ITGA2: variants seen among roughly 807,000 people sequenced by gnomAD.
ITGA2 encodes integrin subunit alpha 2.
A neutral mutation model predicts 146.3 loss-of-function variants in ITGA2; 101 were observed. The ratio of observed to expected loss-of-function variants is 0.69; its 90% CI spans 0.59 to 0.81. ITGA2 has a LOEUF of 0.81. Ranked by LOEUF, ITGA2 falls within the 40% of genes least tolerant of loss-of-function variation. The pLI, the probability that ITGA2 is intolerant of heterozygous loss-of-function variation, is 0.00. For synonymous variants in ITGA2, 477 were observed against 487.1 expected (o/e 0.98, Z 0.27); for missense variants, 1,281 against 1,402.7 (o/e 0.91, Z 1.39).
chr5:53,004,252 T>C (rs1444371673), intron 1 of ITGA2, among the ~76,000 whole-genome samples: 1 of 152,154 alleles, frequency 6.6e-6, no homozygotes, highest in African/African-American at 2.4e-5. Flanking sequence ...CATGGCAACA[T>C]AAAAGAGAAC....
intron 23 of ITGA2, among the ~76,000 whole-genome samples, chr5:53,077,392 G>C (rs1745710157): frequency 6.6e-6 from 1 of 151,758 alleles, no homozygotes; most frequent in South Asian, 2.1e-4. Flanking sequence ...TAAAAAAAAT[G>C]ATGGGTAGAA....
chr5:53,047,233 C>T (rs1418416566), intron 4 of ITGA2, among the ~76,000 whole-genome samples: 1 of 152,138 alleles, frequency 6.6e-6, no homozygotes, highest in East Asian at 1.9e-4. Context: ...AGTTTTATAA[C>T]TGATTCACAA....
rs770116158 is a variant in ITGA2 at position 53,051,455 on chromosome 5, C to T, written c.675C>T (p.Asn225=). 1 of 1,613,250 alleles carries T rather than the reference C, an allele frequency of 6.2e-7. No homozygotes were observed. The highest frequency in any genetic ancestry group is 1.1e-5 in the South Asian group (1 of 91,064). Residue 225 remains asparagine (N), a synonymous_variant, in exon 7 of 30, where the codon AAC becomes AAT. Coordinates refer to ENST00000296585, the MANE Select transcript of ITGA2 (RefSeq NM_002203.4). ...CCAATAATCCAAGAGTTGTGTTTAACTTGAACACATATAAAACCAAAGAAG... is the reference window on the plus strand; with the variant it reads ...CCAATAATCCAAGAGTTGTGTTTAATTTGAACACATATAAAACCAAAGAAG... ...QYANNPRVVF[N]LNTYKTKEEM... is the part of the protein sequence containing the mutation.
chr5:53,088,195 CAT>C (rs1216539108), intron 28 of ITGA2, among the ~76,000 whole-genome samples: 2 of 152,028 alleles, frequency 1.3e-5, no homozygotes, highest in Admixed American at 6.6e-5. Context: ...TTTAGAAAAA[CAT>C]AGTGTTCAGA....
At chr5:53,048,150 C>T (rs3212485) in intron 4 of ITGA2, among the ~76,000 whole-genome samples, 3 of 152,316 alleles carry the variant, frequency 2.0e-5, no homozygotes, top group South Asian at 2.1e-4. Flanking sequence ...CAGCACTCCT[C>T]CTCCCGCAAG....
chr5:53,058,147 C>A, intron 10 of ITGA2, 46 bp downstream of exon 10: 1 of 1,336,676 alleles, frequency 7.5e-7, no homozygotes, highest in Non-Finnish European at 1.1e-6. Flanking sequence ...TTTGGCATAA[C>A]ACTTCCAGAC....
Position 53,044,311 on chromosome 5 carries a change from G to C in ITGA2, c.296-690G>C, listed in dbSNP as rs75538319. On this transcript the variant is annotated intron_variant, in intron 3 of 29. Transcript: ENST00000296585. ...AAAAAAAAAAAAAAAAAAAAAGAAA[G>C]GTGAACTTTTACAACAGTCACCCTG... is the stretch of plus-strand genomic sequence containing the variant. Among the ~76,000 whole-genome samples the C allele has an allele frequency of 3.2e-4, 27 of 84,868 alleles. No homozygotes were observed. In the East Asian group the frequency reaches 8.4e-3, roughly 26 times the overall value. The allele number at this position is 84,868 out of a possible 152,430, so 55.7% of individuals were successfully genotyped here. A position where few individuals can be genotyped will look rare whatever the true frequency, so the allele number is the denominator to read the frequency against.
chr5:52,993,337 A>C (rs1472518254), intron 1 of ITGA2, among the ~76,000 whole-genome samples: 1 of 152,162 alleles, frequency 6.6e-6, no homozygotes, highest in Non-Finnish European at 1.5e-5. Context: ...GTCCTGAGCC[A>C]CTGTTTGACT....
intron 16 of ITGA2, among the ~76,000 whole-genome samples, chr5:53,067,846 TTG>T (rs1246973792): frequency 3.3e-5 from 5 of 151,848 alleles, no homozygotes; most frequent in African/African-American, 4.8e-5. Flanking sequence ...GCAGGAATTG[TTG>T]TCTTTTCTCT....
chr5:53,056,520 G>A (rs1744642501), intron 9 of ITGA2, among the ~76,000 whole-genome samples: 1 of 151,940 alleles, frequency 6.6e-6, no homozygotes, highest in Non-Finnish European at 1.5e-5. Context: ...ATGATAAATT[G>A]TTATGACTTT....
chr5:53,059,754 C>A, intron 10 of ITGA2, 120 bp from the exon 11 acceptor site: 1 of 926,392 alleles, frequency 1.1e-6, no homozygotes. Context: ...AATATATGTT[C>A]ATATATATTT....
intron 12 of ITGA2, among the ~76,000 whole-genome samples, chr5:53,062,324 A>G (rs1467612139): frequency 1.3e-5 from 2 of 151,814 alleles, no homozygotes; most frequent in East Asian, 1.9e-4. Flanking sequence ...ACTTGCCTCT[A>G]TTACAATTTA....
chr5:53,038,678 C>T, intron 2 of ITGA2, among the ~76,000 whole-genome samples: 1 of 152,066 alleles, frequency 6.6e-6, no homozygotes, highest in South Asian at 2.1e-4. Context: ...CTAGCCTAAG[C>T]GTTAAGAACC....
Position 53,075,254 on chromosome 5 carries a change from G to A in ITGA2, c.2775G>A (p.Leu925=), listed in dbSNP as rs746836909. Reference sequence around the variant, plus strand: ...AAGAAGAAAACAAGGCTGATAATTTGGTCAACCTCAAAATTCCTCTCCTGT... The same window carrying A: ...AAGAAGAAAACAAGGCTGATAATTTAGTCAACCTCAAAATTCCTCTCCTGT... ...ESQEENKADN[L]VNLKIPLLYD... is the part of the protein sequence containing the mutation. Residue 925 remains leucine (L), a synonymous_variant, in exon 23 of 30, where the codon TTG becomes TTA. Transcript: ENST00000296585. 3.7e-6 allele frequency: 6 copies of A among 1,612,482 alleles called. No homozygotes were observed. Among genetic ancestry groups the A allele is most frequent in the African/African-American group, 1.3e-5 (1 of 74,750 alleles).
chr5:53,042,611 C>A (rs1249088988), intron 3 of ITGA2, among the ~76,000 whole-genome samples: 2 of 152,016 alleles, frequency 1.3e-5, no homozygotes, highest in African/African-American at 4.8e-5. Flanking sequence ...TTGGAGGCAC[C>A]AAAAACACTC....
chr5:53,060,123 A>G, intron 11 of ITGA2, 111 bp downstream of exon 11: 1 of 1,112,618 alleles, frequency 9.0e-7, no homozygotes, highest in Non-Finnish European at 1.4e-6. Context: ...TCATCTAATT[A>G]TCATATTTAT....
intron 1 of ITGA2, among the ~76,000 whole-genome samples, chr5:53,018,773 G>GT (rs1377172077): frequency 4.6e-5 from 7 of 152,134 alleles, no homozygotes; most frequent in Admixed American, 1.3e-4. Context: ...AAAACATTTT[G>GT]TTTTTTAGGC....
At chr5:53,024,618 T>A (rs1394071762) in intron 1 of ITGA2, among the ~76,000 whole-genome samples, 5 of 152,218 alleles carry the variant, frequency 3.3e-5, no homozygotes, top group African/African-American at 9.6e-5. Flanking sequence ...GTGCTGCTGC[T>A]ACACAGAGGG....
chr5:53,016,330 C>T (rs1008118126), intron 1 of ITGA2, among the ~76,000 whole-genome samples: 11 of 152,132 alleles, frequency 7.2e-5, no homozygotes, highest in African/African-American at 2.7e-4. Context: ...TCTTATTTCT[C>T]CTTCACTTAT....
Sources: allele counts gnomAD v4.1 joint callset (sites outside exome capture counted in the v4.1 genomes callset), GRCh38; gene constraint gnomAD v4.1.1; transcripts MANE v1.5; gene names NCBI Gene and HGNC (gene_info 2026-07-23, HGNC 2026-07-21).